The following TNIK variants were observed in gnomAD, a reference collection of about 807,000 sequenced individuals.
The protein encoded by TNIK is TRAF2 and NCK-interacting protein kinase.
In TNIK, 49 loss-of-function variants were observed where a neutral mutation model predicts 191.3. The ratio of observed to expected loss-of-function variants is 0.26; its 90% CI spans 0.20 to 0.32. The LOEUF is 0.32. TNIK is among the 10% of genes least tolerant of loss of function. TNIK has a pLI of 1.00. For missense variants in TNIK, 1,155 were observed against 1,702.3 expected, an observed-to-expected ratio of 0.68 and a Z score of 5.66; for synonymous variants, 594 against 600.9, an observed-to-expected ratio of 0.99 and a Z score of 0.17.
intron 2 of TNIK, among the ~76,000 whole-genome samples, chr3:171,345,583 AGGGTG>A (rs112929718): frequency 0.16 from 24,509 of 151,928 alleles, 4,240 homozygotes; most frequent in African/African-American, 0.43. Context: ...ATACAATCAT[AGGGTG>A]GGAACTCGAC....
At chr3:171,135,062 C>T (rs186814841) in intron 15 of TNIK, among the ~76,000 whole-genome samples, 25 of 152,228 alleles carry the variant, frequency 1.6e-4, no homozygotes, top group Admixed American at 1.1e-3. Flanking sequence ...CAACAGGAGA[C>T]GGTGGCATGG....
chr3:171,289,111 CAA>C (rs1401213465), intron 2 of TNIK, among the ~76,000 whole-genome samples: 1 of 152,042 alleles, frequency 6.6e-6, no homozygotes, highest in Non-Finnish European at 1.5e-5. Context: ...GGAAGCTTCA[CAA>C]ATAGCTCATT....
intron 2 of TNIK, among the ~76,000 whole-genome samples, chr3:171,298,229 A>C (rs1752522904): frequency 6.6e-6 from 1 of 152,230 alleles, no homozygotes. Flanking sequence ...GAACACTGTC[A>C]TTCATGGTCT....
At chr3:171,334,437 C>T (rs1577517390) in intron 2 of TNIK, among the ~76,000 whole-genome samples, 1 of 152,056 alleles carries the variant, frequency 6.6e-6, no homozygotes, top group African/African-American at 2.4e-5. Flanking sequence ...AAGCATCTTC[C>T]GGGAGGACTG....
At chr3:171,213,274 G>A (rs1301416486) in intron 3 of TNIK, among the ~76,000 whole-genome samples, 3 of 151,876 alleles carry the variant, frequency 2.0e-5, no homozygotes, top group Non-Finnish European at 2.9e-5. Flanking sequence ...GTGAGCGGAT[G>A]TACTTTGGGG....
At chr3:171,269,150 GA>G (rs924808179) in intron 2 of TNIK, among the ~76,000 whole-genome samples, 35 of 152,038 alleles carry the variant, frequency 2.3e-4, no homozygotes, top group African/African-American at 8.2e-4. Context: ...TTGGCTACTT[GA>G]AAAAAATCAA....
chr3:171,214,758 C>A (rs950316204), intron 3 of TNIK, among the ~76,000 whole-genome samples: 1 of 152,096 alleles, frequency 6.6e-6, no homozygotes, highest in African/African-American at 2.4e-5. Flanking sequence ...TTAACCTCAG[C>A]CATGGCATTT....
chr3:171,087,545 G>A (rs765395390), intron 23 of TNIK, 39 bp from the exon 24 acceptor site: 11 of 1,602,526 alleles, frequency 6.9e-6, no homozygotes, highest in Non-Finnish European at 8.5e-6. Flanking sequence ...TAGAGAGGGG[G>A]GAAAAAGGCC....
intron 2 of TNIK, among the ~76,000 whole-genome samples, chr3:171,256,246 A>C (rs1213265064): frequency 6.6e-6 from 1 of 152,184 alleles, no homozygotes; most frequent in Non-Finnish European, 1.5e-5. Context: ...AAACTATTAG[A>C]AATTTTCACA....
intron 2 of TNIK, among the ~76,000 whole-genome samples, chr3:171,261,675 T>C (rs1747634515): frequency 6.6e-6 from 1 of 152,310 alleles, no homozygotes; most frequent in Admixed American, 6.5e-5. Flanking sequence ...TAAATATGAC[T>C]CATTCATTCA....
intron 2 of TNIK, among the ~76,000 whole-genome samples, chr3:171,334,097 C>A (rs558682407): frequency 6.6e-6 from 1 of 152,300 alleles, no homozygotes; most frequent in South Asian, 2.1e-4. Flanking sequence ...AAGTACAGCA[C>A]TGGACAGTGG....
chr3:171,387,112 T>C lies in TNIK; in HGVS notation c.58-17427A>G, dbSNP rs1314654254. 2.6e-5 allele frequency among the ~76,000 whole-genome samples: 4 copies of C among 152,150 alleles called. No individual in the cohort carries two copies. The East Asian group carries it at 5.8e-4, about 22-fold the overall frequency. ...GCACTTTTCAGTACATATTTTACAA[T>C]TTAAAAGTTTGAAAAAATAATTTAA... On this transcript the variant is annotated intron_variant, in intron 1 of 32. Transcript: ENST00000436636.
intron 4 of TNIK, among the ~76,000 whole-genome samples, chr3:171,210,518 T>G (rs1740670552): frequency 6.6e-6 from 1 of 152,174 alleles, no homozygotes; most frequent in East Asian, 1.9e-4. Flanking sequence ...AGGGGAAACA[T>G]GAAAGGAAAA....
At chr3:171,213,206 CATTGGCT>C (rs1339108704) in intron 3 of TNIK, among the ~76,000 whole-genome samples, 1 of 152,008 alleles carries the variant, frequency 6.6e-6, no homozygotes, top group Non-Finnish European at 1.5e-5. Flanking sequence ...CTATGGTGCA[CATTGGCT>C]ATTTTTAAAC....
intron 27 of TNIK, 94 bp from the exon 28 acceptor site, chr3:171,079,746 C>CGTGTGTGTGT (rs75631037): frequency 7.6e-7 from 1 of 1,314,744 alleles, no homozygotes; most frequent in African/African-American, 1.5e-5. Flanking sequence ...ATTTTATTTA[C>CGTGTGTGTGT]GTGTGTGTGT....
intron 2 of TNIK, among the ~76,000 whole-genome samples, chr3:171,339,626 G>A (rs189952839): frequency 2.0e-5 from 3 of 152,326 alleles, no homozygotes; most frequent in Admixed American, 2.0e-4. Flanking sequence ...TCCTTCAGCT[G>A]AATCCCAGGC....
chr3:171,117,523 G>A (rs893686367), intron 18 of TNIK, among the ~76,000 whole-genome samples: 2 of 17,792 alleles, frequency 1.1e-4, no homozygotes, highest in Non-Finnish European at 2.4e-4. Context: ...ATATGTGTAT[G>A]TGTGCTCCAG....
chr3:171,246,070 T>C (rs1265901309), intron 2 of TNIK, among the ~76,000 whole-genome samples: 1 of 152,008 alleles, frequency 6.6e-6, no homozygotes, highest in East Asian at 1.9e-4. Flanking sequence ...GAGCTATGTG[T>C]GAGTGAGGGA....
At chr3:171,238,660 G>T (rs920009017) in intron 2 of TNIK, among the ~76,000 whole-genome samples, 4 of 152,162 alleles carry the variant, frequency 2.6e-5, no homozygotes, top group Non-Finnish European at 4.4e-5. Flanking sequence ...AGTCAAGGTT[G>T]AGAAACCATG....
Sources: gnomAD v4.1 joint callset for allele counts (sites outside exome capture counted in the v4.1 genomes callset) on GRCh38, gnomAD v4.1.1 for gene constraint, MANE v1.5 for transcripts, NCBI Gene and HGNC (gene_info 2026-07-23, HGNC 2026-07-21) for gene names.